DOCK8: variants seen among roughly 807,000 people sequenced by gnomAD.
The protein encoded by DOCK8 is dedicator of cytokinesis protein 8.
In DOCK8, 141 loss-of-function variants were observed where a neutral mutation model predicts 245.6. That is an observed-to-expected ratio of 0.57 (90% CI 0.50 to 0.66). The LOEUF is 0.66. Ranked by LOEUF, DOCK8 falls within the 30% of genes least tolerant of loss-of-function variation. DOCK8 has a pLI of 0.00. For missense variants in DOCK8, 2,965 were observed against 2,603.4 expected (o/e 1.14, Z -3.02); for synonymous variants, 1,168 against 970.2 (o/e 1.20, Z -3.79).
intron 8 of DOCK8, among the ~76,000 whole-genome samples, chr9:327,382 T>C (rs1171116195): frequency 1.3e-5 from 2 of 151,518 alleles, no homozygotes; most frequent in Non-Finnish European, 2.9e-5. Context: ...ATGTTTACCT[T>C]TTCCCTCACC....
At chr9:298,173 G>A (rs966193203) in intron 4 of DOCK8, among the ~76,000 whole-genome samples, 6 of 152,076 alleles carry the variant, frequency 3.9e-5, no homozygotes, top group African/African-American at 7.2e-5. Context: ...GCCTGTAATC[G>A]CAGCACTTTG....
chr9:463,906 T>G (rs765013547), intron 47 of DOCK8, among the ~76,000 whole-genome samples: 7 of 152,208 alleles, frequency 4.6e-5, no homozygotes, highest in Non-Finnish European at 8.8e-5. Context: ...GGTGTTGGTC[T>G]TGTGCCAGGG....
In DOCK8 at chr9:399,323, G is replaced by A. The variant is rs562352694; in HGVS notation, c.3234+64G>A. 6 of 1,239,564 alleles carry A rather than the reference G, an allele frequency of 4.8e-6. No individual in the cohort carries two copies. In the Admixed American group the frequency reaches 1.1e-4, roughly 23 times the overall value. 76.8% of individuals were successfully genotyped at this position (1,239,564 alleles called of 1,614,324 possible). A position where few individuals can be genotyped will look rare whatever the true frequency, so the allele number is the denominator to read the frequency against. On this transcript the variant is annotated intron_variant, in intron 26 of 47. Transcript: ENST00000432829. Reference sequence around the variant, plus strand: ...TTGGTTCCTTCTCATATAATGTGATGTTCGTTGCCATGGCACGCTGTCTTC... The same window carrying A: ...TTGGTTCCTTCTCATATAATGTGATATTCGTTGCCATGGCACGCTGTCTTC...
chr9:354,659 A>G (rs1280793570), intron 14 of DOCK8, among the ~76,000 whole-genome samples: 1 of 152,080 alleles, frequency 6.6e-6, no homozygotes, highest in African/African-American at 2.4e-5. Flanking sequence ...TTCCAAGCTC[A>G]CTCATGTGGC....
At chr9:279,687 G>A (rs1474443691) in intron 2 of DOCK8, among the ~76,000 whole-genome samples, 3 of 152,194 alleles carry the variant, frequency 2.0e-5, no homozygotes, top group Non-Finnish European at 4.4e-5. Flanking sequence ...ATTGAATTTG[G>A]CATCATGAAG....
At position 432,384 on chromosome 9, in the gene DOCK8, A is replaced by G. The variant is rs1177169411; in HGVS notation, c.4785+60A>G. 4.1e-6 allele frequency: 6 copies of G among 1,481,384 alleles called. 1 individual carries two copies. In the South Asian group the frequency reaches 4.5e-5, roughly 11 times the overall value. 91.8% of individuals were successfully genotyped at this position (1,481,384 alleles called of 1,614,324 possible). ...GTTTGGGATCTGCCAACTATTGTGTATGTATGTATGTACATATATACACAA... is the reference window on the plus strand; with the variant it reads ...GTTTGGGATCTGCCAACTATTGTGTGTGTATGTATGTACATATATACACAA... On this transcript the variant is annotated intron_variant, in intron 37 of 47. Coordinates refer to ENST00000432829, the MANE Select transcript of DOCK8 (RefSeq NM_203447.4).
chr9:377,531 A>T lies in DOCK8; in HGVS notation c.2440+320A>T, dbSNP rs144914384. Among the ~76,000 whole-genome samples the T allele has an allele frequency of 6.6e-5, 10 of 152,328 alleles. No homozygotes were observed. In the East Asian group the frequency reaches 1.7e-3, roughly 26 times the overall value. On this transcript the variant is annotated intron_variant, in intron 20 of 47. Coordinates refer to ENST00000432829, the MANE Select transcript of DOCK8 (RefSeq NM_203447.4). ...CCTTGAAGATATTTTTGTTTTCTTGACTAACAGGAAATGGAACATTTTAAG... is the reference window on the plus strand; with the variant it reads ...CCTTGAAGATATTTTTGTTTTCTTGTCTAACAGGAAATGGAACATTTTAAG...
intron 14 of DOCK8, among the ~76,000 whole-genome samples, chr9:349,142 G>C (rs1484445177): frequency 6.6e-6 from 1 of 152,198 alleles, no homozygotes; most frequent in Non-Finnish European, 1.5e-5. Flanking sequence ...AAACCCCACA[G>C]TACAAAATAA....
chr9:451,090 A>G (rs550380457), intron 45 of DOCK8, among the ~76,000 whole-genome samples: 3 of 152,172 alleles, frequency 2.0e-5, no homozygotes, highest in Non-Finnish European at 4.4e-5. Flanking sequence ...AGGTGGGTGA[A>G]TCACTTGAGG....
At chr9:311,239 G>A (rs918259309) in intron 5 of DOCK8, among the ~76,000 whole-genome samples, 6 of 151,426 alleles carry the variant, frequency 4.0e-5, no homozygotes, top group Admixed American at 1.3e-4. Context: ...GAGCTGAGAT[G>A]GCGCCATTGC....
chr9:214,742 G>T (rs2046695333), upstream of DOCK8: 1 of 1,520,088 alleles, frequency 6.6e-7, no homozygotes, highest in African/African-American at 1.4e-5. Context: ...CGCCCTCCTC[G>T]CCCGCCGCTG....
rs758795290 is a variant in DOCK8, at chr9:442,019, G to C, written c.5490+10G>C. The C allele has an allele frequency of 3.1e-6, 5 of 1,613,828 alleles. No individual in the cohort carries two copies. The highest frequency in any genetic ancestry group is 3.4e-6 in the Non-Finnish European group (4 of 1,180,008). ...CTCACATAGACTAGAGGTAAGAAAA[G>C]TGATTCTGTGCGCCTGACCTGGTAC... On this transcript the variant is annotated intron_variant, in intron 42 of 47. Coordinates refer to ENST00000432829, the MANE Select transcript of DOCK8 (RefSeq NM_203447.4).
At chr9:367,984 C>G (rs1181831980) in intron 14 of DOCK8, 34 bp from the exon 15 acceptor site, 1 of 1,550,012 alleles carries the variant, frequency 6.5e-7, no homozygotes, top group East Asian at 2.2e-5. Flanking sequence ...AACTCTAGAC[C>G]TTTTTCATTG....
intron 1 of DOCK8, among the ~76,000 whole-genome samples, chr9:227,126 T>G (rs2047007407): frequency 1.3e-5 from 2 of 152,166 alleles, no homozygotes; most frequent in South Asian, 4.1e-4. Flanking sequence ...AGTGTATGTA[T>G]GCATGCATAT....
At chr9:214,481 T>C (rs555141191), upstream of DOCK8, 41 of 1,586,122 alleles carry the variant, frequency 2.6e-5, no homozygotes, top group South Asian at 2.6e-4. Flanking sequence ...TCTTCGAGAA[T>C]GGTGTCAACC....
chr9:344,424 C>A (rs1468433602), intron 14 of DOCK8, among the ~76,000 whole-genome samples: 1 of 152,136 alleles, frequency 6.6e-6, no homozygotes, highest in East Asian at 1.9e-4. Context: ...TTAGATTGGG[C>A]TTGACAGTTA....
intron 9 of DOCK8, among the ~76,000 whole-genome samples, chr9:329,449 C>G (rs1209120903): frequency 1.3e-5 from 2 of 152,134 alleles, no homozygotes; most frequent in African/African-American, 4.8e-5. Context: ...TCTTTTCACT[C>G]TAGCTTCTTT....
At position 429,792 on chromosome 9, in the gene DOCK8, A is replaced by T; in HGVS notation, c.4564A>T (p.Thr1522Ser). The T allele has an allele frequency of 6.2e-7, 1 of 1,614,152 alleles. No individual in the cohort carries two copies. Among genetic ancestry groups the T allele is most frequent in the Non-Finnish European group, 8.5e-7 (1 of 1,180,034 alleles). ...CCACTGCAGCAGCAGCATGGATGTC[A>T]CCCGGAGCCAAGCCTGTGCCACCCT... ...LHHCSSSMDVTRSQACATLYL... is the reference protein window; with the variant it reads ...LHHCSSSMDVSRSQACATLYL... The change falls in exon 36 of 48, where the codon ACC (threonine) becomes TCC (serine). Residue 1522 changes from threonine to serine, a missense_variant. Around this residue, in one of 3 missense-constraint regions of DOCK8, gnomAD observed 2,825 missense variants for 2,453.5 expected, o/e 1.15. Transcript: ENST00000432829.
chr9:233,078 G>C (rs1357425248), intron 1 of DOCK8, among the ~76,000 whole-genome samples: 1 of 152,180 alleles, frequency 6.6e-6, no homozygotes, highest in Non-Finnish European at 1.5e-5. Context: ...ATGTGTCCCA[G>C]AGATTCTGGT....
Sources: gnomAD v4.1 joint callset for allele counts (sites outside exome capture counted in the v4.1 genomes callset) on GRCh38, gnomAD v4.1.1 for gene constraint, gnomAD v4.1.1 regional missense constraint, MANE v1.5 for transcripts, NCBI Gene and HGNC (gene_info 2026-07-23, HGNC 2026-07-21) for gene names.